The following CADM4 variants were observed in gnomAD, a reference collection of about 807,000 sequenced individuals.
The protein encoded by CADM4 is cell adhesion molecule 4.
Under a neutral mutation model 43.9 loss-of-function variants are expected in CADM4, and 13 were observed. The ratio of observed to expected loss-of-function variants is 0.30; its 90% CI spans 0.19 to 0.47. The LOEUF (loss-of-function observed/expected upper bound fraction) is 0.47, where lower values mean the gene tolerates loss of function less well. CADM4 is among the 20% of genes least tolerant of loss of function. CADM4 has a pLI of 1.00. For synonymous variants in CADM4, 209 were observed against 220.9 expected (o/e 0.95, Z 0.48); for missense variants, 420 against 527.0 (o/e 0.80, Z 1.99).
In CADM4 at chr19:43,632,346, C is replaced by T. The variant is rs139231792; in HGVS notation, c.65-4556G>A. Reference sequence around the variant, plus strand: ...CTCACCTGGACTCTGCAAAAGCCTACTCGTGGGTCTGTCTGCATCCCTGTC... The same window carrying T: ...CTCACCTGGACTCTGCAAAAGCCTATTCGTGGGTCTGTCTGCATCCCTGTC... On this transcript the variant is annotated intron_variant, in intron 1 of 8. Coordinates refer to ENST00000222374, the MANE Select transcript of CADM4 (RefSeq NM_145296.2). 5.7e-3 allele frequency among the ~76,000 whole-genome samples: 867 copies of T among 152,282 alleles called. 4 individuals are homozygous for T. The highest frequency in any genetic ancestry group is 0.02 in the African/African-American group (828 of 41,536).
At chr19:43,633,840 C>T (rs983193802) in intron 1 of CADM4, among the ~76,000 whole-genome samples, 3 of 151,484 alleles carry the variant, frequency 2.0e-5, no homozygotes, top group Non-Finnish European at 4.4e-5. Flanking sequence ...GTAGCTATGC[C>T]CAGCTAATTA....
intron 1 of CADM4, among the ~76,000 whole-genome samples, chr19:43,633,203 A>G (rs919915352): frequency 6.6e-6 from 1 of 151,796 alleles, no homozygotes; most frequent in African/African-American, 2.4e-5. Flanking sequence ...CCTCCTAAGT[A>G]GCTGAGATTA....
intron 1 of CADM4, among the ~76,000 whole-genome samples, chr19:43,636,671 C>T (rs560068108): frequency 6.7e-6 from 1 of 149,700 alleles, no homozygotes; most frequent in African/African-American, 2.4e-5. Flanking sequence ...CAGGCTCGCA[C>T]GACATTAACC....
intron 1 of CADM4, among the ~76,000 whole-genome samples, chr19:43,639,185 A>G (rs1973739062): frequency 2.0e-5 from 3 of 151,710 alleles, no homozygotes. Flanking sequence ...CGGGGGAAAG[A>G]GAATAGACAG....
upstream of CADM4, among the ~76,000 whole-genome samples, chr19:43,640,722 C>T (rs1405413075): frequency 6.6e-6 from 1 of 152,028 alleles, no homozygotes; most frequent in Admixed American, 6.5e-5. Flanking sequence ...ATGTATTTGC[C>T]TCTGCCCTTC....
chr19:43,628,359 C>T (rs777120478), intron 1 of CADM4, among the ~76,000 whole-genome samples: 11 of 151,468 alleles, frequency 7.3e-5, no homozygotes, highest in South Asian at 4.2e-4. Context: ...CGCTTGAACC[C>T]GGGAGTTGGA....
Position 43,623,443 on chromosome 19 carries a change from A to G in CADM4, c.1058-4T>C. 6.2e-7 allele frequency: 1 copy of G among 1,601,668 alleles called. No individual in the cohort carries two copies. The highest frequency in any genetic ancestry group is 8.6e-7 in the Non-Finnish European group (1 of 1,169,576). ...GCTTCGTGGGTCAGATAGGAACCTGAGGGGGTGACAGACCCCCGGGGCAGG... is the reference window on the plus strand; with the variant it reads ...GCTTCGTGGGTCAGATAGGAACCTGGGGGGGTGACAGACCCCCGGGGCAGG... On this transcript the variant is annotated splice_polypyrimidine_tract_variant and splice_region_variant and intron_variant, in intron 8 of 8. Coordinates refer to ENST00000222374, the MANE Select transcript of CADM4 (RefSeq NM_145296.2). The surrounding 1 kb of genome is among the most constrained non-coding windows in gnomAD (Gnocchi z 4.4).
Position 43,627,506 on chromosome 19 carries a change from G to T in CADM4, c.211+138C>A. 1 of 1,206,952 alleles carries T rather than the reference G, an allele frequency of 8.3e-7. No individual in the cohort carries two copies. Among genetic ancestry groups the T allele is most frequent in the Non-Finnish European group, 1.1e-6 (1 of 881,440 alleles). 74.8% of individuals were successfully genotyped at this position (1,206,952 alleles called of 1,614,324 possible). A position where few individuals can be genotyped will look rare whatever the true frequency, so the allele number is the denominator to read the frequency against. Reference sequence around the variant, plus strand: ...TCAAGTCCTCCTGCCTGCAGGACCAGCAGTCCGGGACCCCAGCCCTTTCTT... The same window carrying T: ...TCAAGTCCTCCTGCCTGCAGGACCATCAGTCCGGGACCCCAGCCCTTTCTT... On this transcript the variant is annotated intron_variant, in intron 2 of 8. Transcript: ENST00000222374. This position sits in a 1 kb window ranked among gnomAD's most constrained non-coding sequence, Gnocchi z 4.0.
chr19:43,634,354 T>A (rs1439118295), intron 1 of CADM4, among the ~76,000 whole-genome samples: 1 of 152,154 alleles, frequency 6.6e-6, no homozygotes, highest in Admixed American at 6.5e-5. Flanking sequence ...TAGCCCCCCA[T>A]TTTACAGATG....
intron 1 of CADM4, among the ~76,000 whole-genome samples, chr19:43,628,723 G>T (rs147301022): frequency 8.7e-4 from 132 of 152,328 alleles, no homozygotes; most frequent in African/African-American, 3.1e-3. Context: ...AAGAGGCCTT[G>T]TAGCTTCCAC....
intron 1 of CADM4, among the ~76,000 whole-genome samples, chr19:43,629,665 C>A (rs1973587600): frequency 6.6e-6 from 1 of 152,114 alleles, no homozygotes; most frequent in Non-Finnish European, 1.5e-5. Flanking sequence ...GTTGCCCAGG[C>A]TGGAGTGCAG....
rs377543560 is a variant in CADM4, at chr19:43,638,495, G to A, written c.64+1232C>T. ...CTGCCTAGCCACCTTCCAATCCTCTGTTCCTTCCAAAAGTGGCCTTATCCA... is the reference window on the plus strand; with the variant it reads ...CTGCCTAGCCACCTTCCAATCCTCTATTCCTTCCAAAAGTGGCCTTATCCA... On this transcript the variant is annotated intron_variant, in intron 1 of 8. Coordinates refer to ENST00000222374, the MANE Select transcript of CADM4 (RefSeq NM_145296.2). Among the ~76,000 whole-genome samples, 25 of 152,346 alleles carry A rather than the reference G, an allele frequency of 1.6e-4. No individual in the cohort carries two copies. In the East Asian group the frequency reaches 3.1e-3, roughly 19 times the overall value.
chr19:43,633,884 G>A (rs971332794), intron 1 of CADM4, among the ~76,000 whole-genome samples: 1 of 150,418 alleles, frequency 6.6e-6, no homozygotes, highest in African/African-American at 2.4e-5. Flanking sequence ...TTTTAGAGAT[G>A]GGGGTCTCAA....
intron 1 of CADM4, among the ~76,000 whole-genome samples, chr19:43,636,863 T>C (rs400058): frequency 0.61 from 92,759 of 151,766 alleles, 30,075 homozygotes; most frequent in Non-Finnish European, 0.72. Flanking sequence ...AGGGTCCCCC[T>C]ATTCTCAAGA....
intron 1 of CADM4, among the ~76,000 whole-genome samples, chr19:43,632,764 C>A (rs937338749): frequency 6.6e-6 from 1 of 152,074 alleles, no homozygotes; most frequent in Non-Finnish European, 1.5e-5. Flanking sequence ...CATCCCTTCA[C>A]CTTTAGAACA....
intron 1 of CADM4, among the ~76,000 whole-genome samples, chr19:43,634,402 G>C (rs1393316144): frequency 6.6e-6 from 1 of 152,172 alleles, no homozygotes. Context: ...GCAAGTCAGT[G>C]GCAAAACTCA....
At chr19:43,634,984 G>A (rs1973680803) in intron 1 of CADM4, among the ~76,000 whole-genome samples, 1 of 151,112 alleles carries the variant, frequency 6.6e-6, no homozygotes, top group Non-Finnish European at 1.5e-5. Flanking sequence ...TGGGCTGTCA[G>A]CAGCCCCTTC....
rs1973551426 is a variant in CADM4, at chr19:43,627,646, C to T, written c.209G>A (p.Arg70His). 3 of 1,613,490 alleles carry T rather than the reference C, an allele frequency of 1.9e-6. No individual in the cohort carries two copies. The highest frequency in any genetic ancestry group is 2.2e-5 in the East Asian group (1 of 44,856). Residue 70 changes from arginine to histidine, a missense_variant and splice_region_variant, in exon 2 of 9, where the codon CGT becomes CAT. Physicochemically the swap from Arg to His is conservative, Grantham distance 29 (BLOSUM62 0). Transcript: ENST00000222374. The surrounding 1 kb of genome is among the most constrained non-coding windows in gnomAD (Gnocchi z 4.0). ...TGAGTCTGGTCCCCAGCACTCACCA[C>T]GGGTGCCATTGAAGAAGAGGGTCTG... ...ARQTLFFNGT[R>H]ALKDERFQLE...
chr19:43,626,441 A>G lies in CADM4; in HGVS notation c.500-153T>C, dbSNP rs1341055575. Among the ~76,000 whole-genome samples, 2 of 151,388 alleles carry G rather than the reference A, an allele frequency of 1.3e-5. No homozygotes were observed. Among genetic ancestry groups the G allele is most frequent in the Admixed American group, 1.3e-4 (2 of 15,202 alleles). On this transcript the variant is annotated intron_variant, in intron 4 of 8. Transcript: ENST00000222374. The surrounding 1 kb of genome is among the most constrained non-coding windows in gnomAD (Gnocchi z 5.9). Reference sequence around the variant, plus strand: ...TCCAAGCTACGCCCCTCCCCTAACCAAGCCCACGTGCCTCCTCCCAAAGCT... The same window carrying G: ...TCCAAGCTACGCCCCTCCCCTAACCGAGCCCACGTGCCTCCTCCCAAAGCT...
Sources: allele counts gnomAD v4.1 joint callset (sites outside exome capture counted in the v4.1 genomes callset), GRCh38; gene constraint gnomAD v4.1.1; non-coding constraint Gnocchi (gnomAD v3.1); transcripts MANE v1.5; gene names NCBI Gene and HGNC (gene_info 2026-07-23, HGNC 2026-07-21).